DCC: variants seen among roughly 807,000 people sequenced by gnomAD.
The protein encoded by DCC is netrin receptor DCC.
A neutral mutation model predicts 172.5 loss-of-function variants in DCC; 58 were observed. The ratio of observed to expected loss-of-function variants is 0.34; its 90% CI spans 0.27 to 0.42. DCC has a LOEUF of 0.42. Ranked by LOEUF, DCC falls within the 10% of genes least tolerant of loss-of-function variation. The probability of loss-of-function intolerance (pLI) is 1.00; values close to 1 mark genes in which losing one functional copy is unlikely to be tolerated. For missense variants in DCC, 1,740 were observed against 1,791.0 expected (o/e 0.97, Z 0.51); for synonymous variants, 709 against 644.5 (o/e 1.10, Z -1.52).
In DCC at chr18:52,765,635, G is replaced by A. The variant is rs538848004; in HGVS notation, c.412+13261G>A. 3.9e-5 allele frequency among the ~76,000 whole-genome samples: 6 copies of A among 152,136 alleles called. No homozygotes were observed. In the South Asian group the frequency reaches 1.2e-3, roughly 32 times the overall value. Reference sequence around the variant, plus strand: ...GCATATTACACTGTATCTTTACAAGGCTCCTAGACAAACACGCCTCCTTCC... The same window carrying A: ...GCATATTACACTGTATCTTTACAAGACTCCTAGACAAACACGCCTCCTTCC... On this transcript the variant is annotated intron_variant, in intron 2 of 28. Transcript: ENST00000442544.
chr18:53,271,905 C>G (rs1022976245), intron 12 of DCC, among the ~76,000 whole-genome samples: 2 of 152,076 alleles, frequency 1.3e-5, no homozygotes, highest in Non-Finnish European at 2.9e-5. Flanking sequence ...TGTCACCTGC[C>G]TATTTTTATA....
chr18:52,900,492 G>T (rs2039794497), intron 2 of DCC, among the ~76,000 whole-genome samples: 1 of 152,106 alleles, frequency 6.6e-6, no homozygotes, highest in African/African-American at 2.4e-5. Flanking sequence ...ACTATAATTA[G>T]AATTGTTGAC....
Position 53,079,228 on chromosome 18 carries a change from A to G in DCC, c.1261+13062A>G, listed in dbSNP as rs185857753. 4.2e-3 allele frequency among the ~76,000 whole-genome samples: 637 copies of G among 152,214 alleles called. 4 individuals are homozygous for G. The highest frequency in any genetic ancestry group is 0.015 in the African/African-American group (611 of 41,562). The stretch of plus-strand genomic sequence containing the variant: ...GGAGAAGAGAATTGGTAGCCTATAC[A>G]TAAGTCTTTTGATCTCATGAATTCC... On this transcript the variant is annotated intron_variant, in intron 7 of 28. Coordinates refer to ENST00000442544, the MANE Select transcript of DCC (RefSeq NM_005215.4).
intron 5 of DCC, among the ~76,000 whole-genome samples, chr18:52,974,572 G>C (rs2041084957): frequency 6.6e-6 from 1 of 152,192 alleles, no homozygotes; most frequent in African/African-American, 2.4e-5. Flanking sequence ...CCACAGGGTG[G>C]CCTGTAGAAT....
At chr18:53,091,857 ATC>A (rs755022648) in intron 7 of DCC, among the ~76,000 whole-genome samples, 64 of 58,090 alleles carry the variant, frequency 1.1e-3, no homozygotes, top group African/African-American at 4.1e-3. Flanking sequence ...CTATCAATCT[ATC>A]TATATATATA....
intron 14 of DCC, among the ~76,000 whole-genome samples, chr18:53,327,328 A>G (rs1388516964): frequency 6.6e-6 from 1 of 152,150 alleles, no homozygotes; most frequent in Non-Finnish European, 1.5e-5. Context: ...GCAAACCAAG[A>G]TCATTAGAAT....
intron 1 of DCC, among the ~76,000 whole-genome samples, chr18:52,623,822 G>A (rs2034524654): frequency 6.6e-6 from 1 of 151,800 alleles, no homozygotes; most frequent in Non-Finnish European, 1.5e-5. Flanking sequence ...ATAAGAAAAG[G>A]CAAATCTCTG....
At chr18:53,053,051 G>A (rs1346977588) in intron 5 of DCC, among the ~76,000 whole-genome samples, 1 of 152,118 alleles carries the variant, frequency 6.6e-6, no homozygotes, top group African/African-American at 2.4e-5. Flanking sequence ...GCTGAGGCAG[G>A]AGAAGCACTT....
rs201387934 is a variant in DCC at position 52,842,243 on chromosome 18, CAT to C, written c.413-63795_413-63794del. On this transcript the variant is annotated intron_variant, in intron 2 of 28. Transcript: ENST00000442544. ...AATCTCACATGATTATTTTTAGAAACATATATACATAGTAGGAGAGCAGAGAC... is the reference window on the plus strand; with the variant it reads ...AATCTCACATGATTATTTTTAGAAACATATACATAGTAGGAGAGCAGAGAC... 9.8e-3 allele frequency among the ~76,000 whole-genome samples: 1,491 copies of C among 152,084 alleles called. 31 individuals are homozygous for C. The highest frequency in any genetic ancestry group is 0.033 in the African/African-American group (1,384 of 41,482).
intron 13 of DCC, among the ~76,000 whole-genome samples, chr18:53,317,394 G>C (rs2144815062): frequency 6.6e-6 from 1 of 152,294 alleles, no homozygotes; most frequent in East Asian, 1.9e-4. Flanking sequence ...GTATTTTATT[G>C]AGGATTTTCA....
intron 7 of DCC, among the ~76,000 whole-genome samples, chr18:53,090,736 A>AAAAAAAATT (rs1568298524): frequency 7.7e-6 from 1 of 129,524 alleles, no homozygotes; most frequent in Non-Finnish European, 1.6e-5. Flanking sequence ...AAAAAAAAAG[A>AAAAAAAATT]ATGTATCGTG....
At chr18:53,528,549 AAT>A (rs2046485040) in intron 28 of DCC, among the ~76,000 whole-genome samples, 1 of 152,176 alleles carries the variant, frequency 6.6e-6, no homozygotes, top group Non-Finnish European at 1.5e-5. Context: ...GCCAAATTAA[AAT>A]ATTAAACTTT....
intron 1 of DCC, among the ~76,000 whole-genome samples, chr18:52,740,314 G>T (rs1303418078): frequency 6.6e-6 from 1 of 152,136 alleles, no homozygotes; most frequent in Non-Finnish European, 1.5e-5. Context: ...TTCCAAAGCT[G>T]ATGTTTCTGT....
At chr18:53,107,542 A>G (rs1295372090) in intron 7 of DCC, among the ~76,000 whole-genome samples, 1 of 18,276 alleles carries the variant, frequency 5.5e-5, no homozygotes, top group African/African-American at 1.2e-3. Context: ...AAAAGGAAGG[A>G]AAAAAAAAAA....
At chr18:53,207,580 G>A (rs1200018188) in intron 10 of DCC, 99 bp from the exon 11 acceptor site, 2 of 1,151,328 alleles carry the variant, frequency 1.7e-6, no homozygotes, top group Non-Finnish European at 2.6e-6. Flanking sequence ...AGTGTAGTTT[G>A]TAAGAGTCTA....
At chr18:53,116,737 A>T (rs2043414450) in intron 7 of DCC, among the ~76,000 whole-genome samples, 1 of 151,612 alleles carries the variant, frequency 6.6e-6, no homozygotes, top group Non-Finnish European at 1.5e-5. Context: ...TTCTTTGTAA[A>T]AATTAATCTT....
chr18:52,929,974 C>G (rs17391253), intron 5 of DCC, among the ~76,000 whole-genome samples: 59,927 of 151,814 alleles, frequency 0.39, 12,416 homozygotes, highest in Non-Finnish European at 0.47. Flanking sequence ...ACATGTCTAT[C>G]TTCTCCAGTT....
intron 7 of DCC, among the ~76,000 whole-genome samples, chr18:53,156,046 G>T (rs376762646): frequency 2.3e-4 from 35 of 152,176 alleles, no homozygotes; most frequent in African/African-American, 8.4e-4. Context: ...TAAGTCTGTG[G>T]CTATGTTATA....
At chr18:53,373,707 T>C (rs191274220) in intron 15 of DCC, among the ~76,000 whole-genome samples, 2 of 152,306 alleles carry the variant, frequency 1.3e-5, no homozygotes, top group African/African-American at 2.4e-5. Flanking sequence ...GTTGAGTATA[T>C]ACTCAAATGC....
Sources: gnomAD v4.1 joint callset for allele counts (sites outside exome capture counted in the v4.1 genomes callset) on GRCh38, gnomAD v4.1.1 for gene constraint, MANE v1.5 for transcripts, NCBI Gene and HGNC (gene_info 2026-07-23, HGNC 2026-07-21) for gene names.